Variants in CRTAP observed in about 807,000 individuals in gnomAD.
CRTAP encodes the protein cartilage-associated protein.
CRTAP carries 33 observed loss-of-function variants against 42.7 expected under a neutral mutation model. The observed-to-expected ratio is 0.77, with a 90% CI of 0.59 to 1.03. The LOEUF is 1.03. Among genes scored for constraint, CRTAP ranks in the 50% least tolerant of loss-of-function variants. The pLI is 0.00. For missense variants in CRTAP, 613 were observed against 533.9 expected (o/e 1.15, Z -1.46); for synonymous variants, 243 against 217.7 (o/e 1.12, Z -1.02).
intron 6 of CRTAP, among the ~76,000 whole-genome samples, chr3:33,140,803 C>A (rs544993175): frequency 6.6e-6 from 1 of 152,274 alleles, no homozygotes; most frequent in East Asian, 1.9e-4. Context: ...CAGGTAGGAA[C>A]GGAATGAGGG....
intron 6 of CRTAP, among the ~76,000 whole-genome samples, chr3:33,136,540 C>T (rs1304900110): frequency 1.3e-5 from 2 of 152,152 alleles, no homozygotes; most frequent in Admixed American, 1.3e-4. Context: ...TGCTTGAGCC[C>T]AAGACTAGCC....
At chr3:33,120,701 G>A (rs988527066) in intron 2 of CRTAP, among the ~76,000 whole-genome samples, 1 of 152,148 alleles carries the variant, frequency 6.6e-6, no homozygotes, top group Admixed American at 6.5e-5. Flanking sequence ...TAAAAGCCAT[G>A]TTCCCTTTAA....
At chr3:33,122,406 A>T (rs990697513) in intron 2 of CRTAP, among the ~76,000 whole-genome samples, 5 of 151,920 alleles carry the variant, frequency 3.3e-5, no homozygotes, top group Non-Finnish European at 7.4e-5. Context: ...CCTGCCCAGG[A>T]GGTTTAAGAA....
At chr3:33,138,276 T>TG (rs1052484564) in intron 6 of CRTAP, among the ~76,000 whole-genome samples, 2 of 152,188 alleles carry the variant, frequency 1.3e-5, no homozygotes, top group Admixed American at 1.3e-4. Context: ...TTTCAGTTTT[T>TG]GCAAAAGGCA....
chr3:33,131,779 A>G (rs565693853), intron 4 of CRTAP, among the ~76,000 whole-genome samples: 1 of 152,290 alleles, frequency 6.6e-6, no homozygotes, highest in African/African-American at 2.4e-5. Flanking sequence ...TAGTCATTAC[A>G]GGAAACAGCC....
intron 1 of CRTAP, 73 bp downstream of exon 1, chr3:33,114,621 T>G: frequency 1.4e-6 from 2 of 1,422,038 alleles, no homozygotes; most frequent in Non-Finnish European, 1.9e-6. Flanking sequence ...GCCCCGCCCC[T>G]GCGCCCGGGG....
At chr3:33,126,593 A>G (rs375963252) in intron 3 of CRTAP, among the ~76,000 whole-genome samples, 105 of 152,314 alleles carry the variant, frequency 6.9e-4, no homozygotes, top group African/African-American at 2.2e-3. Context: ...CTCTCCATCT[A>G]TCTTTGATAC....
At chr3:33,128,907 C>T (rs2030154466) in intron 3 of CRTAP, among the ~76,000 whole-genome samples, 2 of 152,192 alleles carry the variant, frequency 1.3e-5, no homozygotes, top group African/African-American at 4.8e-5. Context: ...TTAATTGTTA[C>T]TCTCAACATG....
intron 4 of CRTAP, among the ~76,000 whole-genome samples, chr3:33,131,278 C>T (rs2030255067): frequency 6.6e-6 from 1 of 151,514 alleles, no homozygotes; most frequent in African/African-American, 2.4e-5. Context: ...GGGGGGGTTC[C>T]TCTTTATCTC....
At chr3:33,139,312 A>C (rs996611074) in intron 6 of CRTAP, among the ~76,000 whole-genome samples, 2 of 152,112 alleles carry the variant, frequency 1.3e-5, no homozygotes, top group Non-Finnish European at 2.9e-5. Flanking sequence ...CTCTGGAAAA[A>C]AAAAGAAGTG....
At chr3:33,129,796 C>G (rs895099278) in intron 3 of CRTAP, 143 bp from the exon 4 acceptor site, 6 of 682,890 alleles carry the variant, frequency 8.8e-6, no homozygotes, top group Non-Finnish European at 1.5e-5. Flanking sequence ...CTCAGCCTCC[C>G]GAAGTGCTGG....
chr3:33,121,155 T>C (rs567517865), intron 2 of CRTAP, among the ~76,000 whole-genome samples: 1 of 152,292 alleles, frequency 6.6e-6, no homozygotes, highest in East Asian at 1.9e-4. Context: ...ATGCCTGTAA[T>C]CCCAGCACTT....
rs113144311 is a variant in CRTAP, at chr3:33,139,768, G to A, written c.1153-2627G>A. On this transcript the variant is annotated intron_variant, in intron 6 of 6. Coordinates refer to ENST00000320954, the MANE Select transcript of CRTAP (RefSeq NM_006371.5). ...GCTGGGATTACAGGCGTGAGCCACC[G>A]CACCCGGCCTGAATGTTTTTATCAT... Among the ~76,000 whole-genome samples the A allele has an allele frequency of 4.5e-3, 686 of 152,206 alleles. 11 individuals are homozygous for A. The highest frequency in any genetic ancestry group is 0.015 in the African/African-American group (632 of 41,540).
chr3:33,143,107 T>G lies in CRTAP; in HGVS notation c.*659T>G, dbSNP rs2030625784. 1 of 152,292 alleles carries G rather than the reference T, an allele frequency of 6.6e-6. No individual in the cohort carries two copies. The highest frequency in any genetic ancestry group is 2.4e-5 in the African/African-American group (1 of 41,480). The allele number at this position is 152,292 out of a possible 1,614,324, so 9.4% of individuals were successfully genotyped here. On this transcript the variant is annotated 3_prime_UTR_variant, in exon 7 of 7. Coordinates refer to ENST00000320954, the MANE Select transcript of CRTAP (RefSeq NM_006371.5). ...GGCAGTCTTCTCTGGCTTGTTTTTT[T>G]GTTTTTCCCAGAAAATCAGTATTAT...
intron 3 of CRTAP, among the ~76,000 whole-genome samples, chr3:33,129,671 G>A (rs1275074145): frequency 6.7e-6 from 1 of 149,858 alleles, no homozygotes; most frequent in Non-Finnish European, 1.5e-5. Context: ...CTGAGTAGCT[G>A]GGACCACAGG....
intron 3 of CRTAP, among the ~76,000 whole-genome samples, chr3:33,124,804 A>G (rs887378952): frequency 2.6e-5 from 4 of 152,224 alleles, no homozygotes; most frequent in Non-Finnish European, 5.9e-5. Flanking sequence ...CAGGCCTGCC[A>G]AGGTAGAATT....
rs1701308393 is a variant in CRTAP, at chr3:33,114,127, T to C, written c.50T>C (p.Val17Ala). The change falls in exon 1 of 7, where the codon GTG becomes GCG. Residue 17 changes from valine to alanine, a missense_variant. By Grantham distance (64) the Val-to-Ala change is moderately conservative (BLOSUM62 0). Transcript: ENST00000320954. ...GAAALLALLC[V>A]ACALRAGRAQ... is the part of the protein sequence containing the mutation. ...GCGGCGCTGCTAGCGCTGCTGTGCG[T>C]GGCCTGCGCGCTGCGCGCCGGGCGC... 6.4e-7 allele frequency: 1 copy of C among 1,559,902 alleles called. No homozygotes were observed. Among genetic ancestry groups the C allele is most frequent in the Admixed American group, 1.8e-5 (1 of 55,516 alleles).
intron 6 of CRTAP, among the ~76,000 whole-genome samples, chr3:33,140,218 G>T (rs1481946081): frequency 6.6e-6 from 1 of 152,208 alleles, no homozygotes; most frequent in African/African-American, 2.4e-5. Context: ...AGGCAGAGTG[G>T]CTTGCTCATA....
Position 33,124,545 on chromosome 3 carries a change from C to T in CRTAP, c.759C>T (p.Ile253=), listed in dbSNP as rs752798767. ...CAGCCTGCGAGGGTTCCAGGGAGAT[C>T]AAGGACTTCAAGGATTTCTACCTTT... ...CLAACEGSRE[I]KDFKDFYLSI... is the part of the protein sequence containing the mutation. The change falls in exon 3 of 7, where the codon ATC becomes ATT. Residue 253 remains isoleucine (I), a synonymous_variant. Coordinates refer to ENST00000320954, the MANE Select transcript of CRTAP (RefSeq NM_006371.5). 9 of 1,614,204 alleles carry T rather than the reference C, an allele frequency of 5.6e-6. No individual in the cohort carries two copies. Among genetic ancestry groups the T allele is most frequent in the Non-Finnish European group, 6.8e-6 (8 of 1,180,034 alleles).
Sources: gnomAD v4.1 joint callset for allele counts (sites outside exome capture counted in the v4.1 genomes callset) on GRCh38, gnomAD v4.1.1 for gene constraint, MANE v1.5 for transcripts, NCBI Gene and HGNC (gene_info 2026-07-23, HGNC 2026-07-21) for gene names.